The following AGBL1 variants were observed in gnomAD, a reference collection of about 807,000 sequenced individuals.
AGBL1 encodes the protein AGBL carboxypeptidase 1.
AGBL1 carries 130 observed loss-of-function variants against 118.9 expected under a neutral mutation model. That is an observed-to-expected ratio of 1.09 (90% CI 0.95 to 1.26). AGBL1 has a LOEUF of 1.26. AGBL1 is among the 50% of genes most tolerant of loss of function. The pLI is 0.00. For synonymous variants in AGBL1, 555 were observed against 478.9 expected (o/e 1.16, Z -2.08); for missense variants, 1,584 against 1,298.1 (o/e 1.22, Z -3.38).
chr15:86,252,031 A>G (rs907714184), intron 7 of AGBL1, among the ~76,000 whole-genome samples: 1 of 152,230 alleles, frequency 6.6e-6, no homozygotes, highest in Non-Finnish European at 1.5e-5. Flanking sequence ...ACCTAGAGGA[A>G]TTGTTAAAAC....
chr15:86,906,082 T>A (rs2080276721), intron 22 of AGBL1, among the ~76,000 whole-genome samples: 1 of 152,188 alleles, frequency 6.6e-6, no homozygotes, highest in Admixed American at 6.5e-5. Context: ...TGCTGCTGAT[T>A]ACCCATTTTC....
At chr15:86,290,422 C>T (rs1418915492) in intron 16 of AGBL1, among the ~76,000 whole-genome samples, 1 of 149,980 alleles carries the variant, frequency 6.7e-6, no homozygotes, top group Non-Finnish European at 1.5e-5. Context: ...TTGATCTAGG[C>T]TCACTGCAGC....
At chr15:86,758,708 G>A (rs764629530) in intron 22 of AGBL1, among the ~76,000 whole-genome samples, 3 of 151,754 alleles carry the variant, frequency 2.0e-5, no homozygotes, top group Non-Finnish European at 1.5e-5. Context: ...GTGGTGGCTC[G>A]TACCCAAAAT....
At chr15:86,918,718 G>T (rs2080455077), downstream of AGBL1, among the ~76,000 whole-genome samples, 1 of 152,186 alleles carries the variant, frequency 6.6e-6, no homozygotes, top group East Asian at 1.9e-4. Context: ...TGGGCTGATG[G>T]TGGTAGTTGA....
chr15:87,009,315 C>T (rs985793585), intron 24 of AGBL1, among the ~76,000 whole-genome samples: 3 of 151,950 alleles, frequency 2.0e-5, no homozygotes, highest in Non-Finnish European at 2.9e-5. Flanking sequence ...GGGTGAAAGC[C>T]CCAAGCCTTG....
At chr15:86,919,458 C>T (rs2080462282), downstream of AGBL1, among the ~76,000 whole-genome samples, 2 of 151,932 alleles carry the variant, frequency 1.3e-5, no homozygotes, top group South Asian at 2.1e-4. Context: ...AGACCAGAAA[C>T]ACATGACATT....
intron 6 of AGBL1, among the ~76,000 whole-genome samples, chr15:86,229,789 T>A (rs2078426314): frequency 6.6e-6 from 1 of 152,220 alleles, no homozygotes; most frequent in Admixed American, 6.5e-5. Context: ...TGATTTGTAC[T>A]GGCTCCAGAA....
At chr15:86,823,333 A>C (rs185042021) in intron 22 of AGBL1, among the ~76,000 whole-genome samples, 2 of 152,116 alleles carry the variant, frequency 1.3e-5, no homozygotes, top group African/African-American at 4.8e-5. Context: ...TTAATCCCCA[A>C]ATTCTCTTGA....
At chr15:86,566,347 G>A (rs1319687725) in intron 21 of AGBL1, among the ~76,000 whole-genome samples, 1 of 152,190 alleles carries the variant, frequency 6.6e-6, no homozygotes, top group Non-Finnish European at 1.5e-5. Context: ...TAGTTTTCAA[G>A]TGACTTTGGC....
rs899353470 is a variant in AGBL1, at chr15:86,697,472, A to G, written c.3158+23036A>G. Reference sequence around the variant, plus strand: ...GATTTATTTTTATTTATGCTATTTCACTGAAGATTTCTTCCCTCACATCTT... The same window carrying G: ...GATTTATTTTTATTTATGCTATTTCGCTGAAGATTTCTTCCCTCACATCTT... On this transcript the variant is annotated intron_variant, in intron 22 of 22. Coordinates refer to ENST00000614907, the MANE Select transcript of AGBL1 (RefSeq NM_001386094.1). Among the ~76,000 whole-genome samples the G allele has an allele frequency of 3.7e-4, 54 of 147,034 alleles. 1 individual carries two copies. Among genetic ancestry groups the G allele is most frequent in the Admixed American group, 3.4e-3 (49 of 14,612 alleles).
At chr15:86,683,987 C>T (rs1013234727) in intron 22 of AGBL1, among the ~76,000 whole-genome samples, 2 of 152,182 alleles carry the variant, frequency 1.3e-5, no homozygotes, top group Admixed American at 1.3e-4. Flanking sequence ...TACCGAAGAG[C>T]TAGTCCTTTA....
At chr15:86,986,040 C>T (rs895944691) in intron 23 of AGBL1, among the ~76,000 whole-genome samples, 1 of 151,958 alleles carries the variant, frequency 6.6e-6, no homozygotes, top group Non-Finnish European at 1.5e-5. Flanking sequence ...TCTCCTGTCT[C>T]AGACTCCCAA....
chr15:86,732,021 G>GGTTT (rs1472606687), intron 22 of AGBL1, among the ~76,000 whole-genome samples: 1 of 152,138 alleles, frequency 6.6e-6, no homozygotes, highest in African/African-American at 2.4e-5. Context: ...TTGAGAGGAA[G>GGTTT]GTTTACTTAA....
At chr15:86,680,381 C>T (rs1351498712) in intron 22 of AGBL1, among the ~76,000 whole-genome samples, 3 of 151,940 alleles carry the variant, frequency 2.0e-5, no homozygotes, top group Non-Finnish European at 4.4e-5. Flanking sequence ...ATATCCTTCT[C>T]TTCCCTTTAC....
intron 23 of AGBL1, among the ~76,000 whole-genome samples, chr15:86,965,197 G>T (rs2081036863): frequency 6.6e-6 from 1 of 152,058 alleles, no homozygotes; most frequent in Non-Finnish European, 1.5e-5. Context: ...GATCCTTGAG[G>T]AATCGCCACA....
chr15:86,273,513 T>G (rs956754598), intron 15 of AGBL1, among the ~76,000 whole-genome samples: 1 of 152,226 alleles, frequency 6.6e-6, no homozygotes, highest in Non-Finnish European at 1.5e-5. Flanking sequence ...GTGTAATCTC[T>G]ATTCACCCAC....
At position 86,578,951 on chromosome 15, in the gene AGBL1, T is replaced by C. The variant is rs560564099; in HGVS notation, c.2994+24414T>C. ...TTAGGCTAAACTTAATTTAGCAGTG[T>C]CTGACACAAAATACTAGCTAATCCT... On this transcript the variant is annotated intron_variant, in intron 21 of 22. Coordinates refer to ENST00000614907, the MANE Select transcript of AGBL1 (RefSeq NM_001386094.1). Among the ~76,000 whole-genome samples, 6 of 152,314 alleles carry C rather than the reference T, an allele frequency of 3.9e-5. No homozygotes were observed. The East Asian group carries it at 1.2e-3, about 29-fold the overall frequency.
At chr15:86,946,856 A>G in intron 23 of AGBL1, among the ~76,000 whole-genome samples, 1 of 151,478 alleles carries the variant, frequency 6.6e-6, no homozygotes. Flanking sequence ...AAAAAAAAAA[A>G]AAAAACAAAA....
In AGBL1 at chr15:86,279,685, A is replaced by G. The variant is rs770184237; in HGVS notation, c.2122A>G (p.Lys708Glu). 1 of 1,613,456 alleles carries G rather than the reference A, an allele frequency of 6.2e-7. No individual in the cohort carries two copies. The highest frequency in any genetic ancestry group is 1.1e-5 in the South Asian group (1 of 91,072). The part of the protein sequence containing the change: ...STAVAGGASG[K>E]CYYTLTFAVT... Reference sequence around the variant, plus strand: ...AGCTGTTGCAGGCGGAGCATCTGGGAAGTGCTACTATACCCTCACCTTTGC... The same window carrying G: ...AGCTGTTGCAGGCGGAGCATCTGGGGAGTGCTACTATACCCTCACCTTTGC... Residue 708 changes from lysine to glutamate, a missense_variant, in exon 16 of 23, where the codon AAG (lysine) becomes GAG (glutamate). Coordinates refer to ENST00000614907, the MANE Select transcript of AGBL1 (RefSeq NM_001386094.1).
Sources: allele counts gnomAD v4.1 joint callset (sites outside exome capture counted in the v4.1 genomes callset), GRCh38; gene constraint gnomAD v4.1.1; transcripts MANE v1.5; gene names NCBI Gene and HGNC (gene_info 2026-07-23, HGNC 2026-07-21).